Variants in ASAH2B observed in about 807,000 individuals in gnomAD.
ASAH2B encodes putative inactive neutral ceramidase B.
ASAH2B carries 1 observed loss-of-function variant against 2.9 expected under a neutral mutation model. The observed-to-expected ratio is 0.34, with a 90% CI of 0.12 to 1.63. The LOEUF (loss-of-function observed/expected upper bound fraction) is 1.63, where lower values mean the gene tolerates loss of function less well. Ranked by LOEUF, ASAH2B falls within the 40% of genes most tolerant of loss-of-function variation. The probability of loss-of-function intolerance (pLI) is 0.36; values close to 1 mark genes in which losing one functional copy is unlikely to be tolerated. For synonymous variants in ASAH2B, 4 were observed against 13.3 expected, an observed-to-expected ratio of 0.30 and a Z score of 1.52; for missense variants, 9 against 37.7, an observed-to-expected ratio of 0.24 and a Z score of 1.99.
At chr10:50,753,119 A>G (rs1363278644) in intron 5 of ASAH2B, among the ~76,000 whole-genome samples, 1 of 149,050 alleles carries the variant, frequency 6.7e-6, no homozygotes, top group Non-Finnish European at 1.5e-5. Flanking sequence ...CAAATTCCTG[A>G]GCTGAATAGA....
At chr10:50,743,460 T>C (rs1839863981) in intron 2 of ASAH2B, among the ~76,000 whole-genome samples, 1 of 150,662 alleles carries the variant, frequency 6.6e-6, no homozygotes, top group Non-Finnish European at 1.5e-5. Context: ...TTCCACATTA[T>C]AATATCTTGG....
chr10:50,746,341 T>C (rs548076643), intron 3 of ASAH2B, among the ~76,000 whole-genome samples: 25 of 151,656 alleles, frequency 1.6e-4, no homozygotes, highest in Non-Finnish European at 7.4e-5. Flanking sequence ...CTCATTCTTA[T>C]TTATGACTGA....
chr10:50,746,038 G>A (rs192998336), intron 3 of ASAH2B, among the ~76,000 whole-genome samples: 1,617 of 151,316 alleles, frequency 0.011, 75 homozygotes, highest in African/African-American at 0.037. Context: ...AACACAATAT[G>A]TTGTTTTTAA....
chr10:50,754,183 A>G (rs1382916357), intron 5 of ASAH2B, among the ~76,000 whole-genome samples: 3 of 151,274 alleles, frequency 2.0e-5, no homozygotes, highest in Non-Finnish European at 4.4e-5. Context: ...ATATATAGAA[A>G]ACAAATGAAT....
intron 3 of ASAH2B, among the ~76,000 whole-genome samples, chr10:50,746,268 C>G (rs1003989512): frequency 7.9e-5 from 12 of 151,510 alleles, no homozygotes; most frequent in Non-Finnish European, 7.4e-5. Flanking sequence ...CTTTCTGTAC[C>G]TGGCTTATTT....
chr10:50,743,321 G>A (rs1239225686), intron 2 of ASAH2B, among the ~76,000 whole-genome samples: 3 of 151,368 alleles, frequency 2.0e-5, no homozygotes, highest in Non-Finnish European at 2.9e-5. Flanking sequence ...TTTCAGAGGA[G>A]CACATAGGCT....
At chr10:50,752,813 GT>G in intron 5 of ASAH2B, among the ~76,000 whole-genome samples, 1 of 107,842 alleles carries the variant, frequency 9.3e-6, no homozygotes. Flanking sequence ...CATCTGTTCT[GT>G]TTTTTTTCCC....
intron 2 of ASAH2B, among the ~76,000 whole-genome samples, chr10:50,744,425 C>A (rs1331901646): frequency 1.3e-5 from 2 of 151,356 alleles, no homozygotes; most frequent in Non-Finnish European, 2.9e-5. Flanking sequence ...AATACATAAC[C>A]TATCTCATAT....
Position 50,754,931 on chromosome 10 carries a change from TGTGTGTATGTGAGA to T in ASAH2B, c.*193_*206del, listed in dbSNP as rs1837052831. On this transcript the variant is annotated 3_prime_UTR_variant, in exon 6 of 6. Coordinates refer to ENST00000647317, the MANE Select transcript of ASAH2B (RefSeq NM_001321958.2). ...GTGTGTGTGTGTGTGTGTGTGTGTG[TGTGTGTATGTGAGA>T]GAGAGAGAGAGAGAGAGAGGTTTGT... 1 of 226,570 alleles carries T rather than the reference TGTGTGTATGTGAGA, an allele frequency of 4.4e-6. No individual in the cohort carries two copies. The highest frequency in any genetic ancestry group is 9.4e-5 in the East Asian group (1 of 10,658). The allele number at this position is 226,570 out of a possible 1,614,324, so 14.0% of individuals were successfully genotyped here.
intron 4 of ASAH2B, among the ~76,000 whole-genome samples, chr10:50,749,876 CA>C (rs1839964158): frequency 9.0e-6 from 1 of 110,950 alleles, no homozygotes; most frequent in South Asian, 3.6e-4. Context: ...ACGGGCTGTA[CA>C]AATTTGTAGC....
chr10:50,744,916 C>T (rs1232543164), intron 2 of ASAH2B, among the ~76,000 whole-genome samples: 1 of 150,998 alleles, frequency 6.6e-6, no homozygotes, highest in African/African-American at 2.5e-5. Context: ...ATGACCAAAA[C>T]TTTCTCCCAG....
At chr10:50,740,190 G>A (rs1276495322) in intron 1 of ASAH2B, among the ~76,000 whole-genome samples, 2 of 152,130 alleles carry the variant, frequency 1.3e-5, no homozygotes, top group Non-Finnish European at 2.9e-5. Context: ...AGAGCCTGAC[G>A]GGGAGGGAAG....
rs749562795 is a variant in ASAH2B at position 50,742,996 on chromosome 10, A to G, written c.-18A>G. Reference sequence around the variant, plus strand: ...CATTCAGCTCTTCAGAAACCTTGCTAAGGCTATTGCTACGGTAATCAAATA... The same window carrying G: ...CATTCAGCTCTTCAGAAACCTTGCTGAGGCTATTGCTACGGTAATCAAATA... On this transcript the variant is annotated 5_prime_UTR_variant, in exon 2 of 6. Transcript: ENST00000647317. The G allele has an allele frequency of 4.3e-6, 7 of 1,613,894 alleles. No individual in the cohort carries two copies. The East Asian group carries it at 1.1e-4, about 26-fold the overall frequency.
Position 50,758,579 on chromosome 10 carries a change from T to C in ASAH2B, c.*3839T>C, listed in dbSNP as rs1234854111. The C allele has an allele frequency of 6.6e-6, 1 of 151,240 alleles. No homozygotes were observed. The highest frequency in any genetic ancestry group is 6.6e-5 in the Admixed American group (1 of 15,114). The allele number at this position is 151,240 out of a possible 1,614,324, so 9.4% of individuals were successfully genotyped here. A position where few individuals can be genotyped will look rare whatever the true frequency, so the allele number is the denominator to read the frequency against. ...CTGCATATCCAAATTAACTGCTCTT[T>C]GAAATAATTAGAACTCGTTTTACTC... is the stretch of plus-strand genomic sequence containing the variant. On this transcript the variant is annotated 3_prime_UTR_variant, in exon 6 of 6. Transcript: ENST00000647317.
rs1415626009 is a variant in ASAH2B at position 50,758,851 on chromosome 10, C to T, written c.*4111C>T. 1.3e-5 allele frequency: 2 copies of T among 151,958 alleles called. No individual in the cohort carries two copies. The highest frequency in any genetic ancestry group is 2.1e-4 in the South Asian group (1 of 4,836). The allele number at this position is 151,958 out of a possible 1,614,324, so 9.4% of individuals were successfully genotyped here. The stretch of plus-strand genomic sequence containing the variant: ...CAGGTAATTACTGTACAGAGTGACC[C>T]ATATTGTTATTGTTCAGGGAATTAG... On this transcript the variant is annotated 3_prime_UTR_variant, in exon 6 of 6. Coordinates refer to ENST00000647317, the MANE Select transcript of ASAH2B (RefSeq NM_001321958.2).
chr10:50,742,086 A>G (rs987519524), intron 1 of ASAH2B, among the ~76,000 whole-genome samples: 6 of 152,204 alleles, frequency 3.9e-5, no homozygotes, highest in African/African-American at 9.6e-5. Flanking sequence ...TGATTTACCT[A>G]TATAACAAAC....
Position 50,756,554 on chromosome 10 carries a change from C to T in ASAH2B, c.*1814C>T, listed in dbSNP as rs1219073161. On this transcript the variant is annotated 3_prime_UTR_variant, in exon 6 of 6. Coordinates refer to ENST00000647317, the MANE Select transcript of ASAH2B (RefSeq NM_001321958.2). ...TCAGAAGGGTTCATGAATCAGTTTC[C>T]ACTACCTCTATTCCTTCTATTGAAG... 6.6e-6 allele frequency: 1 copy of T among 152,036 alleles called. No individual in the cohort carries two copies. The highest frequency in any genetic ancestry group is 2.4e-5 in the African/African-American group (1 of 41,530). The allele number at this position is 152,036 out of a possible 1,614,324, so 9.4% of individuals were successfully genotyped here.
rs1837080410 is a variant in ASAH2B at position 50,756,024 on chromosome 10, T to C, written c.*1284T>C. The C allele has an allele frequency of 1.2e-5, 1 of 81,738 alleles. No individual in the cohort carries two copies. The highest frequency in any genetic ancestry group is 3.9e-5 in the Non-Finnish European group (1 of 25,974). The allele number at this position is 81,738 out of a possible 1,614,324, so 5.1% of individuals were successfully genotyped here. A position where few individuals can be genotyped will look rare whatever the true frequency, so the allele number is the denominator to read the frequency against. On this transcript the variant is annotated 3_prime_UTR_variant, in exon 6 of 6. Coordinates refer to ENST00000647317, the MANE Select transcript of ASAH2B (RefSeq NM_001321958.2). ...GCTTCATACCCCAAAGAATAAGATA[T>C]GACAATCTGACATCGATTGTCTGAA...
At chr10:50,744,394 C>T (rs912936417) in intron 2 of ASAH2B, among the ~76,000 whole-genome samples, 4 of 151,628 alleles carry the variant, frequency 2.6e-5, no homozygotes, top group South Asian at 2.1e-4. Flanking sequence ...CCTATTTTCT[C>T]ATTTGCAAAA....
Sources: allele counts gnomAD v4.1 joint callset (sites outside exome capture counted in the v4.1 genomes callset), GRCh38; gene constraint gnomAD v4.1.1; transcripts MANE v1.5; gene names NCBI Gene and HGNC (gene_info 2026-07-23, HGNC 2026-07-21).